The following LIFR variants were observed in gnomAD, a reference collection of about 807,000 sequenced individuals.
The protein encoded by LIFR is leukemia inhibitory factor receptor.
LIFR carries 84 observed loss-of-function variants against 122.2 expected under a neutral mutation model. The ratio of observed to expected loss-of-function variants is 0.69; its 90% CI spans 0.58 to 0.82. LIFR has a LOEUF of 0.82. Among genes scored for constraint, LIFR ranks in the 40% least tolerant of loss-of-function variants. LIFR has a pLI of 0.00. For synonymous variants in LIFR, 422 were observed against 434.7 expected (o/e 0.97, Z 0.36); for missense variants, 1,294 against 1,311.6 (o/e 0.99, Z 0.21).
At chr5:38,517,624 G>A (rs548091533) in intron 5 of LIFR, among the ~76,000 whole-genome samples, 26 of 151,914 alleles carry the variant, frequency 1.7e-4, no homozygotes, top group African/African-American at 5.3e-4. Flanking sequence ...TTGGGAGGCC[G>A]AGGTGGCCAG....
At chr5:38,605,360 T>G (rs1336680429) in intron 2 of LIFR, among the ~76,000 whole-genome samples, 1 of 152,194 alleles carries the variant, frequency 6.6e-6, no homozygotes, top group African/African-American at 2.4e-5. Context: ...CTTCACTACT[T>G]GCTCGCTTTG....
chr5:38,526,808 T>A (rs755842043), intron 4 of LIFR, among the ~76,000 whole-genome samples: 33 of 152,176 alleles, frequency 2.2e-4, no homozygotes, highest in Non-Finnish European at 4.0e-4. Context: ...CTGTCTTGAT[T>A]TGCCTTTCTG....
Position 38,479,489 on chromosome 5 carries a change from T to G in LIFR, c.*2106A>C, listed in dbSNP as rs1453666685. ...GGTTAGAAAGGGCCCTGGATCCAGA[T>G]GGTCACAGTTGAAATGCATATATAT... On this transcript the variant is annotated 3_prime_UTR_variant, in exon 20 of 20. Coordinates refer to ENST00000453190, the MANE Select transcript of LIFR (RefSeq NM_001127671.2). 4.3e-6 allele frequency: 1 copy of G among 231,112 alleles called. No homozygotes were observed. Among genetic ancestry groups the G allele is most frequent in the Non-Finnish European group, 8.6e-6 (1 of 116,790 alleles). The allele number at this position is 231,112 out of a possible 1,614,324, so 14.3% of individuals were successfully genotyped here.
At chr5:38,556,273 C>T (rs1580183079) in intron 1 of LIFR, 61 bp downstream of exon 1, 2 of 152,062 alleles carry the variant, frequency 1.3e-5, no homozygotes, top group East Asian at 3.9e-4. Context: ...CCCTGGGGAC[C>T]CCGCTCGGGG....
intron 1 of LIFR, among the ~76,000 whole-genome samples, chr5:38,566,496 T>C (rs1011603736): frequency 6.6e-6 from 1 of 152,234 alleles, no homozygotes; most frequent in African/African-American, 2.4e-5. Context: ...TTAATATCTC[T>C]ATACTCTTGT....
chr5:38,595,727 CT>C (rs70978897), upstream of LIFR, among the ~76,000 whole-genome samples: 23,644 of 91,358 alleles, frequency 0.26, 1,030 homozygotes, highest in South Asian at 0.3. Context: ...CACAATAGGT[CT>C]TTTTTTTTTT....
Position 38,510,733 on chromosome 5 carries a change from AG to A in LIFR, c.737-16del, listed in dbSNP as rs758993953. The A allele has an allele frequency of 3.8e-6, 6 of 1,598,128 alleles. No individual in the cohort carries two copies. The highest frequency in any genetic ancestry group is 5.1e-6 in the Non-Finnish European group (6 of 1,167,194). ...ATCAGGTATCCCTAGAAAGAAAAAG[AG>A]GAATTATAAACATTTTATATAGAAG... On this transcript the variant is annotated splice_polypyrimidine_tract_variant and intron_variant, in intron 6 of 19. Coordinates refer to ENST00000453190, the MANE Select transcript of LIFR (RefSeq NM_001127671.2).
At chr5:38,516,342 C>A (rs1325282413) in intron 5 of LIFR, among the ~76,000 whole-genome samples, 2 of 152,078 alleles carry the variant, frequency 1.3e-5, no homozygotes, top group Non-Finnish European at 2.9e-5. Context: ...CCAGAATCTA[C>A]AAGGAACTTA....
intron 1 of LIFR, among the ~76,000 whole-genome samples, chr5:38,547,563 AC>A (rs1243693524): frequency 6.6e-6 from 1 of 152,062 alleles, no homozygotes; most frequent in African/African-American, 2.4e-5. Flanking sequence ...ATCTTTCACG[AC>A]TACTGAGGGT....
At position 38,482,057 on chromosome 5, in the gene LIFR, A is replaced by C. The variant is rs752556118; in HGVS notation, c.2832T>G (p.His944Gln). 1 of 1,611,028 alleles carries C rather than the reference A, an allele frequency of 6.2e-7. No individual in the cohort carries two copies. Among genetic ancestry groups the C allele is most frequent in the Non-Finnish European group, 8.5e-7 (1 of 1,178,404 alleles). The change falls in exon 20 of 20, where the codon CAT becomes CAG. Residue 944 changes from histidine (H) to glutamine (Q), a missense_variant. Transcript: ENST00000453190. Reference protein sequence around the residue: ...EDRSDAEPENHVVVSYCPPII... With the variant: ...EDRSDAEPENQVVVSYCPPII... The stretch of plus-strand genomic sequence containing the variant: ...TGGGTGGACAATAGGACACAACCAC[A>C]TGGTTTTCAGGCTCTGCATCAGAGC...
intron 1 of LIFR, among the ~76,000 whole-genome samples, chr5:38,580,234 G>C (rs1749537868): frequency 6.6e-6 from 1 of 152,168 alleles, no homozygotes. Context: ...GGTGCAATGT[G>C]ATTTATGCTG....
chr5:38,541,721 G>T (rs1466022530), intron 1 of LIFR, among the ~76,000 whole-genome samples: 2 of 152,062 alleles, frequency 1.3e-5, no homozygotes, highest in South Asian at 4.2e-4. Flanking sequence ...GAAAAAAATG[G>T]GCAAAATAGC....
intron 1 of LIFR, chr5:38,595,001 G>A (rs16904003): frequency 0.03 from 5,533 of 185,500 alleles, 422 homozygotes; most frequent in East Asian, 0.23. Flanking sequence ...GGCTGGTATC[G>A]TTACAGAGAC....
chr5:38,544,651 A>G (rs938397118), intron 1 of LIFR, among the ~76,000 whole-genome samples: 1 of 152,184 alleles, frequency 6.6e-6, no homozygotes, highest in Admixed American at 6.5e-5. Flanking sequence ...CCTTCAGCGT[A>G]CACATCAATA....
At chr5:38,595,826 G>A (rs1413490487), upstream of LIFR, among the ~76,000 whole-genome samples, 3 of 143,042 alleles carry the variant, frequency 2.1e-5, no homozygotes, top group Admixed American at 7.4e-5. Flanking sequence ...TCCGCCTCCC[G>A]GGTTCCTGCC....
At chr5:38,531,868 G>A (rs1747030399) in intron 1 of LIFR, among the ~76,000 whole-genome samples, 1 of 152,110 alleles carries the variant, frequency 6.6e-6, no homozygotes, top group Admixed American at 6.5e-5. Flanking sequence ...ATCCCAAATA[G>A]CTTAATTATA....
rs974691006 is a variant in LIFR, at chr5:38,482,184, G to C, written c.2705C>G (p.Pro902Arg). ...AACCTCAACATTATTTGGGGTACAA[G>C]GATTCATTTCCAATGTTTTAAGAGC... is the stretch of plus-strand genomic sequence containing the variant. ...SSALKTLEMN[P>R]CTPNNVEVLE... The change falls in exon 20 of 20, where the codon CCT becomes CGT. Residue 902 changes from proline to arginine, a missense_variant. Transcript: ENST00000453190. 13 of 1,596,548 alleles carry C rather than the reference G, an allele frequency of 8.1e-6. No homozygotes were observed. The highest frequency in any genetic ancestry group is 9.4e-6 in the Non-Finnish European group (11 of 1,175,538).
intron 5 of LIFR, among the ~76,000 whole-genome samples, chr5:38,520,131 TAA>T (rs748741459): frequency 2.0e-5 from 3 of 152,250 alleles, no homozygotes; most frequent in Non-Finnish European, 4.4e-5. Flanking sequence ...CACCAATATA[TAA>T]GTTTTTTTTG....
intron 1 of LIFR, among the ~76,000 whole-genome samples, chr5:38,567,542 A>ATTTATTTAT (rs994653574): frequency 1.3e-5 from 2 of 148,196 alleles, no homozygotes; most frequent in African/African-American, 5.0e-5. Context: ...TTATTTATTT[A>ATTTATTTAT]TTTTGAAGAC....
Sources: allele counts gnomAD v4.1 joint callset (sites outside exome capture counted in the v4.1 genomes callset), GRCh38; gene constraint gnomAD v4.1.1; transcripts MANE v1.5; gene names NCBI Gene and HGNC (gene_info 2026-07-23, HGNC 2026-07-21).